HECW1: variants seen among roughly 807,000 people sequenced by gnomAD.
HECW1 encodes the protein HECT, C2 and WW domain containing E3 ubiquitin protein ligase 1, also known as E3 ubiquitin-protein ligase HECW1.
A neutral mutation model predicts 182.3 loss-of-function variants in HECW1; 61 were observed. That is an observed-to-expected ratio of 0.33 (90% confidence interval 0.27 to 0.41). HECW1 has a LOEUF of 0.41. Ranked by LOEUF, HECW1 falls within the 10% of genes least tolerant of loss-of-function variation. HECW1 has a pLI of 1.00. For missense variants in HECW1, 1,739 were observed against 2,108.9 expected (o/e 0.82, Z 3.44); for synonymous variants, 859 against 832.6 (o/e 1.03, Z -0.55).
intron 2 of HECW1, among the ~76,000 whole-genome samples, chr7:43,171,336 T>C (rs1791670180): frequency 6.6e-6 from 1 of 152,216 alleles, no homozygotes; most frequent in Admixed American, 6.5e-5. Flanking sequence ...AGATTTCGTG[T>C]GCTGCTTTTA....
At chr7:43,503,320 A>G (rs2152925553) in intron 21 of HECW1, among the ~76,000 whole-genome samples, 1 of 152,198 alleles carries the variant, frequency 6.6e-6, no homozygotes, top group Non-Finnish European at 1.5e-5. Context: ...GTTTGGGGGG[A>G]AAAGTTTGGA....
At chr7:43,229,382 CCAAAGACAGCATGTTCT>C (rs1797693970) in intron 2 of HECW1, among the ~76,000 whole-genome samples, 2 of 152,102 alleles carry the variant, frequency 1.3e-5, no homozygotes, top group South Asian at 4.2e-4. Context: ...CAGAAAAAAA[CCAAAGACAGCATGTTCT>C]CACTTATAAG....
intron 6 of HECW1, among the ~76,000 whole-genome samples, chr7:43,377,124 C>G (rs1256746716): frequency 6.6e-6 from 1 of 152,146 alleles, no homozygotes; most frequent in African/African-American, 2.4e-5. Context: ...CTGTGCTCTT[C>G]CCATCCCTGG....
At chr7:43,494,449 C>A (rs1351145249) in intron 19 of HECW1, among the ~76,000 whole-genome samples, 5 of 152,118 alleles carry the variant, frequency 3.3e-5, no homozygotes, top group African/African-American at 1.2e-4. Flanking sequence ...AAATCATGAC[C>A]TCCCTACCCT....
chr7:43,424,044 C>T (rs1419758204), intron 8 of HECW1, among the ~76,000 whole-genome samples: 1 of 152,062 alleles, frequency 6.6e-6, no homozygotes, highest in Non-Finnish European at 1.5e-5. Flanking sequence ...TGGGAGAGAA[C>T]AAAAGAAATT....
chr7:43,282,457 TAGTGTTC>T (rs1416691506), intron 3 of HECW1, among the ~76,000 whole-genome samples: 9 of 152,348 alleles, frequency 5.9e-5, no homozygotes, highest in Non-Finnish European at 1.2e-4. Flanking sequence ...GTTTCTTGCC[TAGTGTTC>T]AGTGTTCACA....
At chr7:43,488,387 G>GGA in intron 17 of HECW1, among the ~76,000 whole-genome samples, 1 of 54,216 alleles carries the variant, frequency 1.8e-5, no homozygotes, top group African/African-American at 6.1e-5. Context: ...AGGAAGGAAG[G>GGA]AAGGAAGGAA....
At chr7:43,319,184 G>A (rs962400159) in intron 4 of HECW1, among the ~76,000 whole-genome samples, 4 of 151,728 alleles carry the variant, frequency 2.6e-5, no homozygotes, top group Admixed American at 2.0e-4. Context: ...TCAGGAGATC[G>A]AGACCATCCT....
At chr7:43,442,464 A>C (rs1381313020) in intron 9 of HECW1, 65 bp from the exon 10 acceptor site, 22 of 1,174,138 alleles carry the variant, frequency 1.9e-5, no homozygotes, top group Non-Finnish European at 2.8e-5. Context: ...TATAGAAAGC[A>C]CACTGCATGG....
intron 8 of HECW1, among the ~76,000 whole-genome samples, chr7:43,409,814 A>G (rs933996259): frequency 2.6e-5 from 4 of 152,244 alleles, no homozygotes; most frequent in Non-Finnish European, 5.9e-5. Context: ...TTCAACCCCT[A>G]AATTGTACTA....
chr7:43,184,165 C>G (rs1793144340), intron 2 of HECW1, among the ~76,000 whole-genome samples: 2 of 152,158 alleles, frequency 1.3e-5, no homozygotes, highest in Admixed American at 1.3e-4. Flanking sequence ...AGGTGCCCAC[C>G]ACCATGCCTG....
intron 7 of HECW1, among the ~76,000 whole-genome samples, chr7:43,397,857 C>A (rs567034892): frequency 1.2e-4 from 13 of 108,490 alleles, no homozygotes; most frequent in African/African-American, 3.4e-4. Flanking sequence ...GGCTCAGATG[C>A]CTGACAACAT....
At chr7:43,132,532 CTCTT>C (rs1226533976) in intron 2 of HECW1, among the ~76,000 whole-genome samples, 6 of 151,904 alleles carry the variant, frequency 3.9e-5, no homozygotes, top group Non-Finnish European at 7.4e-5. Flanking sequence ...TTCTCTCTCT[CTCTT>C]TCTCTCTTTC....
At chr7:43,439,294 G>A (rs1584910361) in intron 9 of HECW1, 1 of 152,272 alleles carries the variant, frequency 6.6e-6, no homozygotes, top group East Asian at 1.9e-4. Context: ...AGGAAACAAG[G>A]CTTCAAAAGG....
intron 4 of HECW1, among the ~76,000 whole-genome samples, chr7:43,319,575 C>T (rs1809807567): frequency 8.1e-6 from 1 of 122,726 alleles, no homozygotes; most frequent in Non-Finnish European, 1.6e-5. Flanking sequence ...ATCACAGCAC[C>T]CTGTTCTTTT....
intron 2 of HECW1, among the ~76,000 whole-genome samples, chr7:43,166,148 A>G (rs1326275810): frequency 6.6e-6 from 1 of 152,164 alleles, no homozygotes; most frequent in African/African-American, 2.4e-5. Flanking sequence ...AAGTGGTGCT[A>G]TCTCAGCTCA....
intron 6 of HECW1, among the ~76,000 whole-genome samples, chr7:43,390,967 A>G (rs1366370298): frequency 6.6e-6 from 1 of 152,130 alleles, no homozygotes; most frequent in Non-Finnish European, 1.5e-5. Flanking sequence ...TTAGAATTAA[A>G]CAAGTTTTAT....
intron 2 of HECW1, among the ~76,000 whole-genome samples, chr7:43,234,446 T>C (rs926440819): frequency 6.6e-6 from 1 of 151,610 alleles, no homozygotes; most frequent in African/African-American, 2.4e-5. Context: ...TTTCCTTCTG[T>C]CCTCCCCTTT....
chr7:43,136,080 T>TC (rs397965922), intron 2 of HECW1, among the ~76,000 whole-genome samples: 10 of 152,184 alleles, frequency 6.6e-5, no homozygotes, highest in African/African-American at 2.2e-4. Flanking sequence ...CTTTTTTTTT[T>TC]CTCAGTTTAT....
Sources: allele counts gnomAD v4.1 joint callset (sites outside exome capture counted in the v4.1 genomes callset), GRCh38; gene constraint gnomAD v4.1.1; transcripts MANE v1.5; gene names NCBI Gene and HGNC (gene_info 2026-07-23, HGNC 2026-07-21).